SNAP91: variants seen among roughly 807,000 people sequenced by gnomAD.
SNAP91 encodes clathrin coat assembly protein AP180.
A neutral mutation model predicts 100.3 loss-of-function variants in SNAP91; 27 were observed. That is an observed-to-expected ratio of 0.27 (90% CI 0.20 to 0.37). The LOEUF is 0.37. Ranked by LOEUF, SNAP91 falls within the 10% of genes least tolerant of loss-of-function variation. The probability of loss-of-function intolerance (pLI) is 1.00; values close to 1 mark genes in which losing one functional copy is unlikely to be tolerated. For synonymous variants in SNAP91, 404 were observed against 398.6 expected (o/e 1.01, Z -0.16); for missense variants, 986 against 1,123.7 (o/e 0.88, Z 1.75).
intron 23 of SNAP91, 75 bp from the exon 24 acceptor site, chr6:83,580,674 T>C: frequency 7.4e-7 from 1 of 1,356,204 alleles, no homozygotes. Flanking sequence ...AGTAAAACTC[T>C]CTTTTGATAC....
At chr6:83,679,362 T>C (rs1161479681) in intron 2 of SNAP91, among the ~76,000 whole-genome samples, 1 of 152,170 alleles carries the variant, frequency 6.6e-6, no homozygotes, top group African/African-American at 2.4e-5. Flanking sequence ...GAAACTAGTT[T>C]TTTAAAAAAT....
chr6:83,584,691 A>G (rs149227387), intron 22 of SNAP91, among the ~76,000 whole-genome samples: 1 of 152,322 alleles, frequency 6.6e-6, no homozygotes, highest in African/African-American at 2.4e-5. Context: ...GTTCAATCTA[A>G]AACACACATT....
intron 10 of SNAP91, among the ~76,000 whole-genome samples, chr6:83,616,705 C>T (rs2096503413): frequency 6.6e-6 from 1 of 152,012 alleles, no homozygotes; most frequent in African/African-American, 2.4e-5. Context: ...ATTGTGAATT[C>T]CTTCTAAAGG....
intron 7 of SNAP91, among the ~76,000 whole-genome samples, chr6:83,641,593 C>A (rs191481897): frequency 5.9e-5 from 9 of 152,214 alleles, no homozygotes; most frequent in African/African-American, 1.9e-4. Context: ...CTTATTAGCT[C>A]GCAATAAACT....
chr6:83,614,459 T>TA (rs1164793088), intron 11 of SNAP91, among the ~76,000 whole-genome samples: 4 of 152,190 alleles, frequency 2.6e-5, no homozygotes, highest in African/African-American at 9.6e-5. Context: ...AATAGTTTTA[T>TA]ACTGTGACCA....
intron 1 of SNAP91, 158 bp downstream of exon 1, chr6:83,708,687 C>G (rs1478812818): frequency 6.6e-6 from 1 of 152,402 alleles, no homozygotes; most frequent in Non-Finnish European, 1.5e-5. Flanking sequence ...TGGAGAGGAG[C>G]CGGGCTGACA....
At chr6:83,676,308 C>T (rs1273008054) in intron 2 of SNAP91, among the ~76,000 whole-genome samples, 1 of 152,010 alleles carries the variant, frequency 6.6e-6, no homozygotes, top group Non-Finnish European at 1.5e-5. Context: ...ACTAGACATA[C>T]AATGTCGAGC....
intron 26 of SNAP91, among the ~76,000 whole-genome samples, chr6:83,569,264 G>A (rs1414855822): frequency 6.6e-6 from 1 of 152,086 alleles, no homozygotes; most frequent in African/African-American, 2.4e-5. Flanking sequence ...TTCCGTAGCT[G>A]CTGTGGATAC....
chr6:83,602,883 T>C (rs1237357993), intron 14 of SNAP91, among the ~76,000 whole-genome samples: 1 of 152,102 alleles, frequency 6.6e-6, no homozygotes, highest in Non-Finnish European at 1.5e-5. Flanking sequence ...AAATGCATAA[T>C]GCATGCGGGG....
intron 7 of SNAP91, among the ~76,000 whole-genome samples, chr6:83,648,655 G>A (rs796595238): frequency 4.6e-5 from 7 of 152,202 alleles, no homozygotes; most frequent in South Asian, 2.1e-4. Context: ...TTTTAGTTGA[G>A]TCTAGTAGGT....
chr6:83,610,710 A>AATATATATATAT (rs747428612), intron 11 of SNAP91, 33 bp from the exon 12 acceptor site: 16 of 211,526 alleles, frequency 7.6e-5, no homozygotes, highest in African/African-American at 1.1e-4. Context: ...ATTAAAACTG[A>AATATATATATAT]ATATATATAT....
In SNAP91 at chr6:83,560,813, C is replaced by A. The variant is rs1019565861; in HGVS notation, c.2526+51G>T. 21 of 1,499,772 alleles carry A rather than the reference C, an allele frequency of 1.4e-5. No individual in the cohort carries two copies. The African/African-American group carries it at 2.6e-4, about 19-fold the overall frequency. The allele number at this position is 1,499,772 out of a possible 1,614,324, so 92.9% of individuals were successfully genotyped here. A position where few individuals can be genotyped will look rare whatever the true frequency, so the allele number is the denominator to read the frequency against. On this transcript the variant is annotated intron_variant, in intron 27 of 29. Transcript: ENST00000369694. Reference sequence around the variant, plus strand: ...GAATACTTAGTAATTTGGGATTTGGCAAATTATTTAGAAATGTTGATTACA... The same window carrying A: ...GAATACTTAGTAATTTGGGATTTGGAAAATTATTTAGAAATGTTGATTACA...
intron 2 of SNAP91, among the ~76,000 whole-genome samples, chr6:83,682,506 C>T (rs1192475531): frequency 1.3e-5 from 2 of 151,890 alleles, no homozygotes; most frequent in African/African-American, 4.8e-5. Context: ...TGCACCTGGC[C>T]TATCTCTTTA....
At chr6:83,675,027 T>C (rs1425030101) in intron 2 of SNAP91, among the ~76,000 whole-genome samples, 1 of 152,018 alleles carries the variant, frequency 6.6e-6, no homozygotes, top group Admixed American at 6.6e-5. Context: ...ACGGTTTAGG[T>C]GGGAGGGATA....
chr6:83,695,458 T>TA (rs1384404040), intron 2 of SNAP91, among the ~76,000 whole-genome samples: 2 of 152,110 alleles, frequency 1.3e-5, no homozygotes, highest in African/African-American at 4.8e-5. Context: ...ACTATCATTT[T>TA]AAAAAAAGTA....
intron 2 of SNAP91, among the ~76,000 whole-genome samples, chr6:83,697,324 G>GCACACACACA (rs57251608): frequency 1.5e-3 from 211 of 138,148 alleles, no homozygotes; most frequent in East Asian, 5.1e-3. Context: ...GAAAATAGCT[G>GCACACACACA]CACACACACA....
intron 16 of SNAP91, among the ~76,000 whole-genome samples, chr6:83,600,012 T>A (rs1044703656): frequency 1.3e-5 from 2 of 152,178 alleles, no homozygotes; most frequent in Non-Finnish European, 2.9e-5. Context: ...CTCAAACTCC[T>A]GAGCTCAAGC....
chr6:83,565,984 G>A (rs999825552), intron 26 of SNAP91, among the ~76,000 whole-genome samples: 6 of 151,996 alleles, frequency 3.9e-5, no homozygotes, highest in East Asian at 1.9e-4. Flanking sequence ...GAGGATATAC[G>A]CTCATATGGA....
intron 8 of SNAP91, among the ~76,000 whole-genome samples, chr6:83,634,743 T>C (rs753869239): frequency 1.3e-5 from 2 of 152,222 alleles, no homozygotes; most frequent in Non-Finnish European, 2.9e-5. Flanking sequence ...AGGTTATTAA[T>C]TTGAGATCTT....
Sources: gnomAD v4.1 joint callset for allele counts (sites outside exome capture counted in the v4.1 genomes callset) on GRCh38, gnomAD v4.1.1 for gene constraint, MANE v1.5 for transcripts, NCBI Gene and HGNC (gene_info 2026-07-23, HGNC 2026-07-21) for gene names.